PIK3R5: variants seen among roughly 807,000 people sequenced by gnomAD.
The protein encoded by PIK3R5 is phosphoinositide-3-kinase regulatory subunit 5, also known as phosphoinositide 3-kinase regulatory subunit 5.
Under a neutral mutation model 94.9 loss-of-function variants are expected in PIK3R5, and 32 were observed. The ratio of observed to expected loss-of-function variants is 0.34; its 90% CI spans 0.25 to 0.45. The LOEUF (loss-of-function observed/expected upper bound fraction) is 0.45, where lower values mean the gene tolerates loss of function less well. Ranked by LOEUF, PIK3R5 falls within the 20% of genes least tolerant of loss-of-function variation. The probability of loss-of-function intolerance (pLI) is 1.00; values close to 1 mark genes in which losing one functional copy is unlikely to be tolerated. For missense variants in PIK3R5, 853 were observed against 1,144.6 expected (o/e 0.75, Z 3.68); for synonymous variants, 443 against 479.4 (o/e 0.92, Z 0.99).
At chr17:8,943,954 A>G (rs1238007415) in intron 1 of PIK3R5, among the ~76,000 whole-genome samples, 1 of 151,094 alleles carries the variant, frequency 6.6e-6, no homozygotes, top group Non-Finnish European at 1.5e-5. Flanking sequence ...AACTCGTGTC[A>G]CGGGGGTTTA....
intron 1 of PIK3R5, among the ~76,000 whole-genome samples, chr17:8,947,385 A>G (rs533660474): frequency 6.6e-6 from 1 of 152,314 alleles, no homozygotes; most frequent in South Asian, 2.1e-4. Context: ...AAATGGGGAG[A>G]AAAGGACCCA....
At position 8,923,838 on chromosome 17, in the gene PIK3R5, A is replaced by G. The variant is rs1455408064; in HGVS notation, c.-13-12331T>C. 2.6e-5 allele frequency among the ~76,000 whole-genome samples: 4 copies of G among 151,340 alleles called. No homozygotes were observed. The East Asian group carries it at 5.8e-4, about 22-fold the overall frequency. Reference sequence around the variant, plus strand: ...AGCTTTCTGGTTTTTCTGGATGTGGAAAAAGATTGCAGTTGTGACATTGCA... The same window carrying G: ...AGCTTTCTGGTTTTTCTGGATGTGGGAAAAGATTGCAGTTGTGACATTGCA... On this transcript the variant is annotated intron_variant, in intron 1 of 18. Transcript: ENST00000447110.
intron 1 of PIK3R5, among the ~76,000 whole-genome samples, chr17:8,943,590 G>A (rs992049898): frequency 3.3e-5 from 5 of 152,184 alleles, no homozygotes; most frequent in Middle Eastern, 6.8e-3. Context: ...GGCCAATATG[G>A]GTGAAACCCC....
intron 1 of PIK3R5, among the ~76,000 whole-genome samples, chr17:8,938,223 G>A (rs966575960): frequency 3.0e-4 from 46 of 152,198 alleles, no homozygotes; most frequent in African/African-American, 1.1e-3. Flanking sequence ...GGCCTATTCA[G>A]ATAATCTACT....
Position 8,890,219 on chromosome 17 carries a change from G to T in PIK3R5, c.658-93C>A. ...CTAGCTTCTTACTGAGGGAGGCAGT[G>T]ATCTGTCCCCTCCCAGCCTCATCAC... On this transcript the variant is annotated intron_variant, in intron 7 of 18. Coordinates refer to ENST00000447110, the MANE Select transcript of PIK3R5 (RefSeq NM_001142633.3). The surrounding 1 kb of genome is among the most constrained non-coding windows in gnomAD (Gnocchi z 6.1). 1 of 1,349,360 alleles carries T rather than the reference G, an allele frequency of 7.4e-7. No homozygotes were observed. Among genetic ancestry groups the T allele is most frequent in the Non-Finnish European group, 1.0e-6 (1 of 968,376 alleles). The allele number at this position is 1,349,360 out of a possible 1,614,324, so 83.6% of individuals were successfully genotyped here.
At position 8,945,203 on chromosome 17, in the gene PIK3R5, T is replaced by C. The variant is rs2091252452; in HGVS notation, c.-14+20393A>G. 1.3e-5 allele frequency among the ~76,000 whole-genome samples: 2 copies of C among 152,156 alleles called. No homozygotes were observed. Among genetic ancestry groups the C allele is most frequent in the Non-Finnish European group, 1.5e-5 (1 of 68,024 alleles). On this transcript the variant is annotated intron_variant, in intron 1 of 18. Transcript: ENST00000447110. This position sits in a 1 kb window ranked among gnomAD's most constrained non-coding sequence, Gnocchi z 4.0. ...CCCAGCTGCAGGAACACTCACTCCC[T>C]GGCAGGCCCTGGCTTCCTATACACT...
Position 8,888,420 on chromosome 17 carries a change from GC to G in PIK3R5, c.1366del (p.Ala456GlnfsTer51). ...SSDTALPLRRAGSLCSPLDEP... is the reference protein window; with the variant it reads ...SSDTALPLRRXGSLCSPLDEP... ...GTCCAGGGGGCTGCAGAGGCTCCCT[GC>G]CCGCCTCAGGGGCAGGGCCGTGTCC... On this transcript the variant is annotated frameshift_variant, in exon 10 of 19. Coordinates refer to ENST00000447110, the MANE Select transcript of PIK3R5 (RefSeq NM_001142633.3). LOFTEE classifies it high-confidence loss of function. This position sits in a 1 kb window ranked among gnomAD's most constrained non-coding sequence, Gnocchi z 7.8. 6.4e-7 allele frequency: 1 copy of G among 1,571,972 alleles called. No individual in the cohort carries two copies. Among genetic ancestry groups the G allele is most frequent in the Non-Finnish European group, 8.6e-7 (1 of 1,163,500 alleles).
chr17:8,897,492 C>T (rs952278976), intron 5 of PIK3R5, among the ~76,000 whole-genome samples: 4 of 152,084 alleles, frequency 2.6e-5, no homozygotes, highest in South Asian at 2.1e-4. Context: ...CTTGTGGGGG[C>T]GAACTGAGAT....
At chr17:8,948,820 T>G (rs946834864) in intron 1 of PIK3R5, among the ~76,000 whole-genome samples, 1 of 152,154 alleles carries the variant, frequency 6.6e-6, no homozygotes. Flanking sequence ...CCTAGCTACA[T>G]GCCCAGTGGA....
At chr17:8,912,212 G>A (rs1474607553) in intron 1 of PIK3R5, among the ~76,000 whole-genome samples, 2 of 152,138 alleles carry the variant, frequency 1.3e-5, no homozygotes, top group African/African-American at 2.4e-5. Context: ...GAGGGTTTTA[G>A]CCCCGTATGG....
chr17:8,921,207 A>G (rs760678847), intron 1 of PIK3R5, among the ~76,000 whole-genome samples: 14 of 152,236 alleles, frequency 9.2e-5, no homozygotes, highest in African/African-American at 3.4e-4. Flanking sequence ...TAAATGTAAT[A>G]ACTGTGATAA....
chr17:8,897,917 T>TTG (rs2090187562), intron 5 of PIK3R5, among the ~76,000 whole-genome samples: 1 of 149,558 alleles, frequency 6.7e-6, no homozygotes, highest in African/African-American at 2.4e-5. Context: ...TTCATACAGA[T>TTG]TGTGTGTGTG....
chr17:8,905,647 A>G, intron 4 of PIK3R5, 22 bp downstream of exon 4: 2 of 1,573,190 alleles, frequency 1.3e-6, no homozygotes, highest in South Asian at 2.3e-5. Context: ...CACCTCCAGC[A>G]TCCTGGCCCA....
intron 1 of PIK3R5, among the ~76,000 whole-genome samples, chr17:8,944,070 G>A (rs1013371860): frequency 1.3e-5 from 2 of 152,008 alleles, no homozygotes; most frequent in Non-Finnish European, 2.9e-5. Flanking sequence ...AAGCCCCAGT[G>A]TCTGTTGGTC....
At chr17:8,929,084 T>C (rs2090941608) in intron 1 of PIK3R5, among the ~76,000 whole-genome samples, 2 of 152,110 alleles carry the variant, frequency 1.3e-5, no homozygotes, top group African/African-American at 2.4e-5. Context: ...CAAAAAGCTA[T>C]ACAAATAGAT....
chr17:8,912,833 C>T (rs1025576218), intron 1 of PIK3R5, among the ~76,000 whole-genome samples: 4 of 152,248 alleles, frequency 2.6e-5, no homozygotes, highest in Non-Finnish European at 4.4e-5. Context: ...AGGCACCACT[C>T]GCCAAGTGAA....
rs777790835 is a variant in PIK3R5, at chr17:8,890,797, C to T, written c.598G>A (p.Ala200Thr). Reference protein sequence around the residue: ...HSAYTTLLLHAFQATFGAHCD... With the variant: ...HSAYTTLLLHTFQATFGAHCD... ...TGGGCCCCAAAGGTGGCCTGGAAGG[C>T]GTGCAGGAGCAGGGTGGTGTAGGCA... The change falls in exon 7 of 19, where the codon GCC becomes ACC. Residue 200 changes from alanine to threonine, a missense_variant. Physicochemically the swap from Ala to Thr is moderately conservative, Grantham distance 58. Around this residue, in one of 6 missense-constraint regions of PIK3R5, gnomAD observed 161 missense variants for 249.5 expected, o/e 0.65. Coordinates refer to ENST00000447110, the MANE Select transcript of PIK3R5 (RefSeq NM_001142633.3). This position sits in a 1 kb window ranked among gnomAD's most constrained non-coding sequence, Gnocchi z 6.1. 1.8e-5 allele frequency: 29 copies of T among 1,612,894 alleles called. No homozygotes were observed. Among genetic ancestry groups the T allele is most frequent in the East Asian group, 4.5e-5 (2 of 44,868 alleles).
Position 8,882,117 on chromosome 17 carries a change from T to C in PIK3R5, c.2206-236A>G, listed in dbSNP as rs2089684103. On this transcript the variant is annotated intron_variant, in intron 15 of 18. Transcript: ENST00000447110. This position sits in a 1 kb window ranked among gnomAD's most constrained non-coding sequence, Gnocchi z 4.1. ...CAGCCTCTGTGACCAGGTTGAAAGG[T>C]ACAAGAGCTGAGAGCACCTGCAGGG... is the stretch of plus-strand genomic sequence containing the variant. 4 of 540,224 alleles carry C rather than the reference T, an allele frequency of 7.4e-6. No individual in the cohort carries two copies. The highest frequency in any genetic ancestry group is 6.5e-5 in the South Asian group (3 of 46,498). The allele number at this position is 540,224 out of a possible 1,614,324, so 33.5% of individuals were successfully genotyped here. A position where few individuals can be genotyped will look rare whatever the true frequency, so the allele number is the denominator to read the frequency against.
At chr17:8,906,768 A>G (rs573346666) in intron 3 of PIK3R5, among the ~76,000 whole-genome samples, 2 of 152,218 alleles carry the variant, frequency 1.3e-5, no homozygotes, top group Admixed American at 1.3e-4. Flanking sequence ...CTGTAATCCC[A>G]ACTACTCGGG....
Sources: allele counts gnomAD v4.1 joint callset (sites outside exome capture counted in the v4.1 genomes callset), GRCh38; gene constraint gnomAD v4.1.1; regional missense constraint gnomAD v4.1.1; non-coding constraint Gnocchi (gnomAD v3.1); transcripts MANE v1.5; gene names NCBI Gene and HGNC (gene_info 2026-07-23, HGNC 2026-07-21).